The following NKIRAS1 variants were observed in gnomAD, a reference collection of about 807,000 sequenced individuals.
The protein encoded by NKIRAS1 is NFKB inhibitor interacting Ras like 1.
NKIRAS1 carries 16 observed loss-of-function variants against 19.8 expected under a neutral mutation model. That is an observed-to-expected ratio of 0.81 (90% CI 0.55 to 1.23). The LOEUF (loss-of-function observed/expected upper bound fraction) is 1.23. Ranked by LOEUF, NKIRAS1 falls within the 50% of genes most tolerant of loss-of-function variation. NKIRAS1 has a pLI of 0.00. For synonymous variants in NKIRAS1, 88 were observed against 79.0 expected, an observed-to-expected ratio of 1.11 and a Z score of -0.61; for missense variants, 184 against 220.0, an observed-to-expected ratio of 0.84 and a Z score of 1.04.
intron 3 of NKIRAS1, among the ~76,000 whole-genome samples, chr3:23,905,986 C>G (rs1559504670): frequency 6.6e-6 from 1 of 151,798 alleles, no homozygotes; most frequent in Non-Finnish European, 1.5e-5. Context: ...TGGTGAAACC[C>G]TGTCTCTACT....
Position 23,922,392 on chromosome 3 carries a change from ATTTG to A in NKIRAS1, c.-139-10946_-139-10943del, listed in dbSNP as rs1362254364. The A allele has an allele frequency of 6.6e-6, 1 of 152,124 alleles. No individual in the cohort carries two copies. The allele number at this position is 152,124 out of a possible 1,614,324, so 9.4% of individuals were successfully genotyped here. ...TTCAAATCCTATACACTTAAAGTTT[ATTTG>A]TTTTGTTTTGGTTTTTTTTGAGATG... is the stretch of plus-strand genomic sequence containing the variant. On this transcript the variant is annotated intron_variant, in intron 1 of 4. Transcript: ENST00000421515. The surrounding 1 kb of genome is among the most constrained non-coding windows in gnomAD (Gnocchi z 4.2).
upstream of NKIRAS1, chr3:23,921,570 GT>G (rs71622703): frequency 0.27 from 133,969 of 490,116 alleles, 10,520 homozygotes; most frequent in African/African-American, 0.41. Flanking sequence ...TGATTATTGA[GT>G]TTTTTTTTTT....
chr3:23,935,656 G>A lies in NKIRAS1; in HGVS notation c.-140+10667C>T, dbSNP rs556428823. The stretch of plus-strand genomic sequence containing the variant: ...ACCCAGACTGGTCTGGAACTTCTGG[G>A]CTCAAGTGATCCTCTTCCACCTTGG... On this transcript the variant is annotated intron_variant, in intron 1 of 4. Transcript: ENST00000421515. 2.0e-5 allele frequency among the ~76,000 whole-genome samples: 3 copies of A among 152,256 alleles called. No individual in the cohort carries two copies. The South Asian group carries it at 6.2e-4, about 32-fold the overall frequency.
chr3:23,915,041 C>T lies in NKIRAS1; in HGVS notation c.-140+1743G>A, dbSNP rs143864188. On this transcript the variant is annotated intron_variant, in intron 1 of 4. Coordinates refer to ENST00000425478, the MANE Select transcript of NKIRAS1 (RefSeq NM_020345.4). ...CTCTCACCTGGTCTCTCAAAGATAT[C>T]GTAATCCCCCAAACCTGTGAATATG... Among the ~76,000 whole-genome samples the T allele has an allele frequency of 4.3e-3, 660 of 152,268 alleles. 8 individuals carry two copies. Among genetic ancestry groups the T allele is most frequent in the African/African-American group, 0.015 (634 of 41,534 alleles).
intron 1 of NKIRAS1, chr3:23,945,175 G>GC (rs1705606685): frequency 7.6e-6 from 1 of 131,678 alleles, no homozygotes; most frequent in Non-Finnish European, 1.6e-5. Context: ...GAGCCGGGAA[G>GC]CGGGCGGGAG....
At chr3:23,935,918 A>G (rs949088555) in intron 1 of NKIRAS1, among the ~76,000 whole-genome samples, 1 of 151,856 alleles carries the variant, frequency 6.6e-6, no homozygotes, top group African/African-American at 2.4e-5. Context: ...CGTCTCTACA[A>G]ATAATTTTTT....
intron 4 of NKIRAS1, among the ~76,000 whole-genome samples, chr3:23,899,659 T>G (rs1575071361): frequency 6.6e-6 from 1 of 152,204 alleles, no homozygotes; most frequent in Non-Finnish European, 1.5e-5. Flanking sequence ...GAAAGTAGAC[T>G]GGTGTCACTG....
chr3:23,940,168 CAAAAAAA>C (rs1293108063), intron 1 of NKIRAS1, among the ~76,000 whole-genome samples: 13 of 71,760 alleles, frequency 1.8e-4, no homozygotes, highest in East Asian at 1.4e-3. Flanking sequence ...CCATCTCTAC[CAAAAAAA>C]AAAAAAAAAA....
chr3:23,921,759 G>A, upstream of NKIRAS1: 2 of 602,320 alleles, frequency 3.3e-6, no homozygotes, highest in South Asian at 2.0e-5. Context: ...ATTTTTAGTA[G>A]AGACTGGGTT....
chr3:23,905,407 T>C (rs917000523), intron 3 of NKIRAS1, among the ~76,000 whole-genome samples: 1 of 152,202 alleles, frequency 6.6e-6, no homozygotes, highest in Non-Finnish European at 1.5e-5. Flanking sequence ...AAACCATATA[T>C]GCAATGCTTT....
intron 3 of NKIRAS1, among the ~76,000 whole-genome samples, chr3:23,906,884 G>A (rs1010142836): frequency 1.3e-5 from 2 of 151,454 alleles, no homozygotes; most frequent in Non-Finnish European, 2.9e-5. Flanking sequence ...ATTTTTTAAA[G>A]CAGGTTTTTG....
upstream of NKIRAS1, chr3:23,920,068 C>T (rs973428228): frequency 1.0e-6 from 1 of 985,930 alleles, no homozygotes; most frequent in Non-Finnish European, 1.2e-6. Context: ...ATGGTAAACA[C>T]TGGTGTGTTT....
At chr3:23,934,199 C>T (rs1705358525) in intron 1 of NKIRAS1, among the ~76,000 whole-genome samples, 1 of 152,122 alleles carries the variant, frequency 6.6e-6, no homozygotes, top group Non-Finnish European at 1.5e-5. Context: ...TCATTCATTC[C>T]TCCCTTCCTT....
chr3:23,945,526 C>CG, intron 1 of NKIRAS1: 1 of 1,100,514 alleles, frequency 9.1e-7, no homozygotes, highest in Non-Finnish European at 1.1e-6. Context: ...GCGGCGGCGG[C>CG]GCTGCCCCCT....
chr3:23,898,490 T>A (rs181194192), intron 4 of NKIRAS1, among the ~76,000 whole-genome samples: 39 of 151,774 alleles, frequency 2.6e-4, no homozygotes, highest in African/African-American at 9.2e-4. Context: ...TCACCCAGGC[T>A]GGAGTGCAAT....
intron 1 of NKIRAS1, among the ~76,000 whole-genome samples, chr3:23,945,892 G>A (rs996645637): frequency 6.6e-6 from 1 of 150,724 alleles, no homozygotes; most frequent in Non-Finnish European, 1.5e-5. Context: ...GCGGCGCGCG[G>A]GCGCCGGTTG....
intron 1 of NKIRAS1, among the ~76,000 whole-genome samples, chr3:23,937,588 T>C (rs914798544): frequency 1.5e-4 from 23 of 151,792 alleles, no homozygotes; most frequent in Non-Finnish European, 2.8e-4. Context: ...AGGGAAAAAG[T>C]AGGATCTCTT....
At chr3:23,946,210 G>A (rs1231926540) in intron 1 of NKIRAS1, 2 of 985,316 alleles carry the variant, frequency 2.0e-6, no homozygotes, top group Non-Finnish European at 1.2e-6. Context: ...CGAAGCGGGC[G>A]CTGACACCGC....
intron 4 of NKIRAS1, among the ~76,000 whole-genome samples, chr3:23,895,885 C>T (rs547630000): frequency 3.3e-5 from 5 of 152,144 alleles, no homozygotes; most frequent in East Asian, 1.9e-4. Flanking sequence ...CCTGTAATCC[C>T]GTACTTTGGG....
Sources: gnomAD v4.1 joint callset for allele counts (sites outside exome capture counted in the v4.1 genomes callset) on GRCh38, gnomAD v4.1.1 for gene constraint, Gnocchi (gnomAD v3.1) non-coding constraint, MANE v1.5 for transcripts, NCBI Gene and HGNC (gene_info 2026-07-23, HGNC 2026-07-21) for gene names.